The following ENTPD5 variants were observed in gnomAD, a reference collection of about 807,000 sequenced individuals.
ENTPD5 encodes nucleoside diphosphate phosphatase ENTPD5.
In ENTPD5, 49 loss-of-function variants were observed where a neutral mutation model predicts 60.2. The observed-to-expected ratio is 0.81, with a 90% confidence interval of 0.65 to 1.03. ENTPD5 has a LOEUF of 1.03. Among genes scored for constraint, ENTPD5 ranks in the 50% least tolerant of loss-of-function variants. The pLI, the probability that ENTPD5 is intolerant of heterozygous loss-of-function variation, is 0.00. For synonymous variants in ENTPD5, 187 were observed against 185.4 expected, an observed-to-expected ratio of 1.01 and a Z score of -0.07; for missense variants, 480 against 507.6, an observed-to-expected ratio of 0.95 and a Z score of 0.52.
At chr14:74,017,136 T>C (rs2059037357) in intron 1 of ENTPD5, among the ~76,000 whole-genome samples, 1 of 152,130 alleles carries the variant, frequency 6.6e-6, no homozygotes, top group South Asian at 2.1e-4. Flanking sequence ...CTGACCAAAA[T>C]GGAGAAACCC....
At chr14:73,962,733 C>T, downstream of ENTPD5, 1 of 529,462 alleles carries the variant, frequency 1.9e-6, no homozygotes, top group Non-Finnish European at 3.3e-6. Flanking sequence ...GGGAGGATTG[C>T]TTGAGCCTAG....
chr14:73,961,098 A>G (rs1428690274), downstream of ENTPD5: 3 of 1,508,124 alleles, frequency 2.0e-6, no homozygotes, highest in Non-Finnish European at 1.8e-6. Context: ...GTTACAAACA[A>G]GGTTTCTTTA....
intron 3 of ENTPD5, among the ~76,000 whole-genome samples, chr14:73,991,986 C>T (rs2058155432): frequency 1.3e-5 from 2 of 150,282 alleles, no homozygotes; most frequent in Admixed American, 1.3e-4. Flanking sequence ...GCAACAAGAG[C>T]GAAACTCCGT....
rs758044236 is a variant in ENTPD5 at position 73,966,659 on chromosome 14, G to A, written c.*269C>T. On this transcript the variant is annotated 3_prime_UTR_variant, in exon 16 of 16. Coordinates refer to ENST00000334696, the MANE Select transcript of ENTPD5 (RefSeq NM_001249.5). Reference sequence around the variant, plus strand: ...AGGGTTGAAATGCGATTTTTCTTTGGTTTCCAGGGACCTGTCCCTGGGCTC... The same window carrying A: ...AGGGTTGAAATGCGATTTTTCTTTGATTTCCAGGGACCTGTCCCTGGGCTC... 2.8e-6 allele frequency: 1 copy of A among 353,176 alleles called. No individual in the cohort carries two copies. The highest frequency in any genetic ancestry group is 5.1e-6 in the Non-Finnish European group (1 of 195,398). 21.9% of individuals were successfully genotyped at this position (353,176 alleles called of 1,614,324 possible).
intron 1 of ENTPD5, 146 bp downstream of exon 1, chr14:74,019,104 C>T (rs1167789243): frequency 6.6e-6 from 1 of 152,380 alleles, no homozygotes; most frequent in Non-Finnish European, 1.5e-5. Context: ...TCTCCTGAGG[C>T]AAGGGCGCCC....
chr14:73,960,613 T>C, downstream of ENTPD5: 1 of 1,041,272 alleles, frequency 9.6e-7, no homozygotes, highest in Non-Finnish European at 1.2e-6. Flanking sequence ...AATTGTCCTT[T>C]CTATGTAGCA....
chr14:73,988,795 T>A (rs1322525705), intron 3 of ENTPD5, among the ~76,000 whole-genome samples: 1 of 152,118 alleles, frequency 6.6e-6, no homozygotes, highest in Non-Finnish European at 1.5e-5. Flanking sequence ...GCCTGGCGTG[T>A]TTCACTTAAC....
chr14:73,986,668 T>C, intron 5 of ENTPD5, 146 bp downstream of exon 5: 2 of 661,182 alleles, frequency 3.0e-6, no homozygotes, highest in Non-Finnish European at 5.3e-6. Context: ...TAATTAATTT[T>C]ATCCAGGAGA....
intron 5 of ENTPD5, among the ~76,000 whole-genome samples, chr14:73,983,586 T>C (rs1484176081): frequency 7.1e-6 from 1 of 140,270 alleles, no homozygotes; most frequent in Non-Finnish European, 1.5e-5. Context: ...CCTATGCCAC[T>C]GCACTACAGC....
intron 3 of ENTPD5, among the ~76,000 whole-genome samples, chr14:73,990,720 T>C (rs1375373946): frequency 6.6e-6 from 1 of 152,038 alleles, no homozygotes; most frequent in Non-Finnish European, 1.5e-5. Flanking sequence ...TTGAATATTA[T>C]TGAAACCTGT....
chr14:73,987,179 T>TA (rs2057939036), intron 4 of ENTPD5: 1 of 701,296 alleles, frequency 1.4e-6, no homozygotes. Context: ...CAGAAAAAGT[T>TA]AATCTTCAGG....
chr14:73,961,617 A>C (rs2056738993), downstream of ENTPD5: 2 of 1,606,596 alleles, frequency 1.2e-6, no homozygotes, highest in Non-Finnish European at 1.7e-6. Context: ...TCATATAGTT[A>C]GGCAAGATCA....
rs543407393 is a variant in ENTPD5 at position 73,988,745 on chromosome 14, C to T, written c.-70-573G>A. Among the ~76,000 whole-genome samples the T allele has an allele frequency of 3.3e-5, 5 of 152,302 alleles. No homozygotes were observed. In the South Asian group the frequency reaches 1.0e-3, roughly 32 times the overall value. ...TTCCATGAAATCAACTTTTTTAGCT[C>T]CCATATATGAGTGAGAACATGCAGT... On this transcript the variant is annotated intron_variant, in intron 3 of 15. Coordinates refer to ENST00000334696, the MANE Select transcript of ENTPD5 (RefSeq NM_001249.5).
chr14:73,955,368 C>T (rs1428451970), downstream of ENTPD5: 27 of 1,000,048 alleles, frequency 2.7e-5, no homozygotes, highest in Non-Finnish European at 4.2e-5. Context: ...TGAAAACAAC[C>T]TCTTACGTAA....
At chr14:73,961,401 C>T (rs753591906), downstream of ENTPD5, 19 of 1,613,882 alleles carry the variant, frequency 1.2e-5, no homozygotes, top group South Asian at 1.5e-4. Context: ...AGCAGGGCCA[C>T]TCCCTTCTCA....
downstream of ENTPD5, chr14:73,962,691 T>C: frequency 2.4e-6 from 1 of 413,896 alleles, no homozygotes; most frequent in African/African-American, 2.4e-5. Flanking sequence ...GGCTCACACC[T>C]GTAATCCCAG....
downstream of ENTPD5, chr14:73,959,491 A>G (rs1161349009): frequency 6.2e-7 from 1 of 1,614,168 alleles, no homozygotes; most frequent in Non-Finnish European, 8.5e-7. Flanking sequence ...ATGGATGAGG[A>G]AAAATTTGTG....
intron 2 of ENTPD5, among the ~76,000 whole-genome samples, chr14:74,013,345 T>C (rs555582595): frequency 6.6e-6 from 1 of 152,328 alleles, no homozygotes; most frequent in African/African-American, 2.4e-5. Context: ...ACGACAGTCT[T>C]AAATGCCTCC....
chr14:73,983,675 AATTATT>A (rs149008443), intron 5 of ENTPD5, among the ~76,000 whole-genome samples: 2,327 of 127,734 alleles, frequency 0.018, 79 homozygotes, highest in African/African-American at 0.06. Context: ...CCTAATAAAA[AATTATT>A]ATTATTATTA....
Sources: gnomAD v4.1 joint callset for allele counts (sites outside exome capture counted in the v4.1 genomes callset) on GRCh38, gnomAD v4.1.1 for gene constraint, MANE v1.5 for transcripts, NCBI Gene and HGNC (gene_info 2026-07-23, HGNC 2026-07-21) for gene names.